FAM193B: variants seen among roughly 807,000 people sequenced by gnomAD.
The protein encoded by FAM193B is protein FAM193B.
FAM193B carries 27 observed loss-of-function variants against 70.7 expected under a neutral mutation model. The ratio of observed to expected loss-of-function variants is 0.38; its 90% CI spans 0.28 to 0.53. FAM193B has a LOEUF of 0.53. Ranked by LOEUF, FAM193B falls within the 20% of genes least tolerant of loss-of-function variation. The pLI is 0.81. For missense variants in FAM193B, 1,022 were observed against 1,072.5 expected, an observed-to-expected ratio of 0.95 and a Z score of 0.66; for synonymous variants, 448 against 436.0, an observed-to-expected ratio of 1.03 and a Z score of -0.34.
At position 177,532,244 on chromosome 5, in the gene FAM193B, A is replaced by C. The variant is rs1311743279; in HGVS notation, c.1275+199T>G. ...TCTTAAGAGAAACCATGAGAAGAGC[A>C]AAGGTAGCAAAATGTTTAAAAACCC... is the stretch of plus-strand genomic sequence containing the variant. On this transcript the variant is annotated intron_variant, in intron 5 of 8. Coordinates refer to ENST00000514747, the MANE Select transcript of FAM193B (RefSeq NM_001190946.3). The surrounding 1 kb of genome is among the most constrained non-coding windows in gnomAD (Gnocchi z 4.9). 4.0e-6 allele frequency: 6 copies of C among 1,492,102 alleles called. No individual in the cohort carries two copies. Among genetic ancestry groups the C allele is most frequent in the Non-Finnish European group, 5.3e-6 (6 of 1,127,178 alleles). 92.4% of individuals were successfully genotyped at this position (1,492,102 alleles called of 1,614,324 possible).
At chr5:177,528,704 CG>C (rs1206424094) in intron 5 of FAM193B, among the ~76,000 whole-genome samples, 1 of 152,050 alleles carries the variant, frequency 6.6e-6, no homozygotes, top group Non-Finnish European at 1.5e-5. Context: ...GGTGTGGGCT[CG>C]GAAGGCCTAG....
At chr5:177,552,177 A>G in intron 1 of FAM193B, 1 of 628,222 alleles carries the variant, frequency 1.6e-6, no homozygotes, top group Non-Finnish European at 2.0e-6. Flanking sequence ...TTTGTTGATC[A>G]ATATTTGTTA....
At chr5:177,554,118 C>A in intron 1 of FAM193B, 131 bp downstream of exon 1, 2 of 1,401,236 alleles carry the variant, frequency 1.4e-6, no homozygotes, top group Middle Eastern at 2.1e-4. Flanking sequence ...AAAGCTTCGG[C>A]GCCGGACCCG....
intron 5 of FAM193B, chr5:177,531,308 G>A (rs772230572): frequency 7.4e-6 from 10 of 1,344,472 alleles, no homozygotes; most frequent in Non-Finnish European, 9.9e-6. Context: ...TGCCGGGCCC[G>A]CTTGGCGGCC....
chr5:177,531,384 G>C (rs559512927), intron 5 of FAM193B: 51 of 1,359,970 alleles, frequency 3.8e-5, no homozygotes, highest in Non-Finnish European at 4.6e-5. Flanking sequence ...CCACATCTCG[G>C]TGGTCCACGG....
chr5:177,524,400 C>CGGCTCCCCT lies in FAM193B; in HGVS notation c.2072_2080dup (p.Ser693_Arg694insGlnGlySer), dbSNP rs1762263941. The stretch of plus-strand genomic sequence containing the variant: ...CCAACCTGGTCCTGGCCGGCTCCCC[C>CGGCTCCCCT]GGCTCCCCTCTCCAGCCTCAGCACA... On this transcript the variant is annotated inframe_insertion, in exon 6 of 9. Coordinates refer to ENST00000514747, the MANE Select transcript of FAM193B (RefSeq NM_001190946.3). 2.5e-6 allele frequency: 4 copies of CGGCTCCCCT among 1,576,504 alleles called. No homozygotes were observed. The highest frequency in any genetic ancestry group is 1.7e-4 in the Middle Eastern group (1 of 5,938).
intron 4 of FAM193B, among the ~76,000 whole-genome samples, chr5:177,535,774 A>C (rs1473022076): frequency 6.6e-6 from 1 of 152,218 alleles, no homozygotes; most frequent in East Asian, 1.9e-4. Context: ...TCAAATATCT[A>C]AGTATGTTAT....
In FAM193B at chr5:177,525,066, C is replaced by T; in HGVS notation, c.1415G>A (p.Ser472Asn). ...RELDRVNSFL[S>N]SRLQEIKNTV... ...GTTTTTGATCTCCTGCAGACGGCTG[C>T]TCAGGAAGCTGTTGACCCGATCCAG... Residue 472 changes from serine (S) to asparagine (N), a missense_variant, in exon 6 of 9, where the codon AGC becomes AAC. Physicochemically the swap from Ser to Asn is conservative, Grantham distance 46 (BLOSUM62 1). Transcript: ENST00000514747. 6.3e-7 allele frequency: 1 copy of T among 1,598,874 alleles called. No homozygotes were observed. Among genetic ancestry groups the T allele is most frequent in the Non-Finnish European group, 8.5e-7 (1 of 1,173,154 alleles).
In FAM193B at chr5:177,532,144, A is replaced by G. The variant is rs1763561449; in HGVS notation, c.1275+299T>C. The G allele has an allele frequency of 2.9e-6, 4 of 1,390,000 alleles. No homozygotes were observed. The highest frequency in any genetic ancestry group is 3.8e-6 in the Non-Finnish European group (4 of 1,055,052). 86.1% of individuals were successfully genotyped at this position (1,390,000 alleles called of 1,614,324 possible). ...AGCGTTCACTTCTCTGGGATTACAC[A>G]CGTATACATACTCATCAGAATCATA... is the stretch of plus-strand genomic sequence containing the variant. On this transcript the variant is annotated intron_variant, in intron 5 of 8. Coordinates refer to ENST00000514747, the MANE Select transcript of FAM193B (RefSeq NM_001190946.3). The surrounding 1 kb of genome is among the most constrained non-coding windows in gnomAD (Gnocchi z 4.9).
intron 1 of FAM193B, among the ~76,000 whole-genome samples, chr5:177,552,673 T>A (rs760687696): frequency 1.3e-5 from 2 of 152,082 alleles, no homozygotes; most frequent in South Asian, 2.1e-4. Flanking sequence ...AGCTTTGGGG[T>A]TGGAAGCTAG....
rs1251407069 is a variant in FAM193B, at chr5:177,538,027, GGAT to G, written c.531_533del (p.Ser185del). 32 of 1,554,674 alleles carry G rather than the reference GGAT, an allele frequency of 2.1e-5. No individual in the cohort carries two copies. The highest frequency in any genetic ancestry group is 2.6e-5 in the Non-Finnish European group (30 of 1,148,542). On this transcript the variant is annotated inframe_deletion, in exon 3 of 9. Coordinates refer to ENST00000514747, the MANE Select transcript of FAM193B (RefSeq NM_001190946.3). The surrounding 1 kb of genome is among the most constrained non-coding windows in gnomAD (Gnocchi z 4.1). ...GGCAGGAAGAGGAGGACGAGGATGA[GGAT>G]GATGAGGAGGAAGACGAGGACGAAT... is the stretch of plus-strand genomic sequence containing the variant.
Position 177,551,095 on chromosome 5 carries a change from A to T in FAM193B, c.210+3154T>A, listed in dbSNP as rs551786343. Among the ~76,000 whole-genome samples, 7 of 152,026 alleles carry T rather than the reference A, an allele frequency of 4.6e-5. No homozygotes were observed. In the East Asian group the frequency reaches 1.4e-3, roughly 29 times the overall value. On this transcript the variant is annotated intron_variant, in intron 1 of 8. Transcript: ENST00000514747. ...AGAGATCCTCCTGCCTCAGCCTCCC[A>T]AAGTGCCGGGATTACAGGCGTGAGC...
chr5:177,535,850 T>A (rs1764100208), intron 4 of FAM193B, among the ~76,000 whole-genome samples: 1 of 152,188 alleles, frequency 6.6e-6, no homozygotes, highest in Non-Finnish European at 1.5e-5. Flanking sequence ...AGACATTTTT[T>A]TCCTTATACA....
chr5:177,552,015 T>C, intron 1 of FAM193B: 3 of 985,026 alleles, frequency 3.0e-6, no homozygotes, highest in Non-Finnish European at 3.6e-6. Context: ...TAAAAAAAAA[T>C]GCCTTGTTGA....
intron 5 of FAM193B, chr5:177,531,433 A>G (rs1169137999): frequency 7.4e-7 from 1 of 1,358,750 alleles, no homozygotes; most frequent in Non-Finnish European, 9.8e-7. Context: ...GCCCCCCTTC[A>G]TGGGCAGCTC....
Position 177,554,229 on chromosome 5 carries a change from G to A in FAM193B, c.210+20C>T. The A allele has an allele frequency of 4.7e-6, 7 of 1,491,380 alleles. No individual in the cohort carries two copies. The highest frequency in any genetic ancestry group is 6.2e-6 in the Non-Finnish European group (7 of 1,125,208). The allele number at this position is 1,491,380 out of a possible 1,614,324, so 92.4% of individuals were successfully genotyped here. The stretch of plus-strand genomic sequence containing the variant: ...AGGTGAAAGCGCCCGAGCCGCCGAA[G>A]TCTCCCCGCTCGCTCCTACCTGCGG... On this transcript the variant is annotated intron_variant, in intron 1 of 8. Transcript: ENST00000514747.
At chr5:177,553,877 G>T in intron 1 of FAM193B, 1 of 1,249,522 alleles carries the variant, frequency 8.0e-7, no homozygotes, top group African/African-American at 1.5e-5. Context: ...AGAGCCCCGA[G>T]ATGGCCTGTG....
Position 177,524,050 on chromosome 5 carries a change from G to C in FAM193B, c.2297-18C>G. 7 of 1,614,038 alleles carry C rather than the reference G, an allele frequency of 4.3e-6. No individual in the cohort carries two copies. The highest frequency in any genetic ancestry group is 5.9e-6 in the Non-Finnish European group (7 of 1,179,864). On this transcript the variant is annotated intron_variant, in intron 6 of 8. Coordinates refer to ENST00000514747, the MANE Select transcript of FAM193B (RefSeq NM_001190946.3). ...CACATCGTCTAGGAAGACACAGCCA[G>C]GAGGGCTCAGTGCCCATGGCCAGGC...
Position 177,536,549 on chromosome 5 carries a change from A to C in FAM193B, c.885T>G (p.Val295=), listed in dbSNP as rs1397824313. Residue 295 remains valine (V), a synonymous_variant, in exon 4 of 9, where the codon GTT becomes GTG. Coordinates refer to ENST00000514747, the MANE Select transcript of FAM193B (RefSeq NM_001190946.3). Reference sequence around the variant, plus strand: ...GAGTGTGGGGGGCAGTGGCAGCAGCAACAGGGCACTCTGAAGCCTGGGCAG... The same window carrying C: ...GAGTGTGGGGGGCAGTGGCAGCAGCCACAGGGCACTCTGAAGCCTGGGCAG... ...PFPAQASECP[V]AAATAPHTPG... 2 of 1,539,586 alleles carry C rather than the reference A, an allele frequency of 1.3e-6. No individual in the cohort carries two copies. Among genetic ancestry groups the C allele is most frequent in the African/African-American group, 2.8e-5 (2 of 71,316 alleles).
Sources: allele counts gnomAD v4.1 joint callset (sites outside exome capture counted in the v4.1 genomes callset), GRCh38; gene constraint gnomAD v4.1.1; non-coding constraint Gnocchi (gnomAD v3.1); transcripts MANE v1.5; gene names NCBI Gene and HGNC (gene_info 2026-07-23, HGNC 2026-07-21).